The following SNX24 variants were observed in gnomAD, a reference collection of about 807,000 sequenced individuals.
SNX24 encodes sorting nexin-24.
Under a neutral mutation model 28.7 loss-of-function variants are expected in SNX24, and 22 were observed. The observed-to-expected ratio is 0.77, with a 90% CI of 0.55 to 1.10. SNX24 has a LOEUF of 1.10. SNX24 is among the 50% of genes least tolerant of loss of function. SNX24 has a pLI of 0.00. For missense variants in SNX24, 221 were observed against 201.1 expected (o/e 1.10, Z -0.60); for synonymous variants, 69 against 71.5 (o/e 0.96, Z 0.18).
At chr5:122,965,631 C>T in intron 3 of SNX24, 2 of 286,558 alleles carry the variant, frequency 7.0e-6, no homozygotes, top group South Asian at 6.7e-5. Context: ...GGGGATGGCT[C>T]ACATTTCTCA....
chr5:122,872,531 CTG>C (rs1164998512), intron 1 of SNX24, among the ~76,000 whole-genome samples: 1 of 152,094 alleles, frequency 6.6e-6, no homozygotes, highest in African/African-American at 2.4e-5. Flanking sequence ...ATATGAAAAT[CTG>C]TGAATGCTCA....
At chr5:122,947,680 C>A (rs1759748550) in intron 3 of SNX24, among the ~76,000 whole-genome samples, 1 of 151,882 alleles carries the variant, frequency 6.6e-6, no homozygotes, top group South Asian at 2.1e-4. Context: ...CACTGCAGAG[C>A]AAAAAACAAA....
intron 3 of SNX24, among the ~76,000 whole-genome samples, chr5:122,987,017 C>T (rs1238160109): frequency 6.6e-6 from 1 of 151,994 alleles, no homozygotes; most frequent in Non-Finnish European, 1.5e-5. Context: ...GAAGGAGGGA[C>T]GTTTTCTCCG....
At chr5:123,012,391 A>T (rs543949605), downstream of SNX24, among the ~76,000 whole-genome samples, 9 of 152,238 alleles carry the variant, frequency 5.9e-5, no homozygotes, top group Non-Finnish European at 1.2e-4. Flanking sequence ...ACATTCAGAG[A>T]CATAAGCCAG....
At chr5:122,880,225 A>C (rs556103325) in intron 1 of SNX24, among the ~76,000 whole-genome samples, 52 of 152,372 alleles carry the variant, frequency 3.4e-4, no homozygotes, top group African/African-American at 1.2e-3. Context: ...TAAATGGAAT[A>C]GCCAAATTGA....
At chr5:122,956,352 G>GGA (rs1554075842) in intron 3 of SNX24, among the ~76,000 whole-genome samples, 55 of 143,676 alleles carry the variant, frequency 3.8e-4, no homozygotes, top group African/African-American at 1.2e-3. Flanking sequence ...AAACACTTGG[G>GGA]AAAAAAAAAA....
chr5:122,946,915 C>T (rs1406340852), intron 3 of SNX24, among the ~76,000 whole-genome samples: 2 of 152,154 alleles, frequency 1.3e-5, no homozygotes, highest in African/African-American at 4.8e-5. Context: ...TGAGGTCAGC[C>T]AGTACCATTC....
chr5:123,013,163 T>A (rs1354745978), downstream of SNX24, among the ~76,000 whole-genome samples: 1 of 152,202 alleles, frequency 6.6e-6, no homozygotes, highest in Non-Finnish European at 1.5e-5. Context: ...TATACATAAT[T>A]GGGAAGTTGT....
chr5:122,944,216 ACTT>A (rs1345335337), intron 2 of SNX24, among the ~76,000 whole-genome samples: 1 of 152,090 alleles, frequency 6.6e-6, no homozygotes. Context: ...TGACTTTCAC[ACTT>A]CTGGTGACAA....
intron 1 of SNX24, among the ~76,000 whole-genome samples, chr5:122,935,569 A>T (rs1759145339): frequency 6.6e-6 from 1 of 152,216 alleles, no homozygotes; most frequent in African/African-American, 2.4e-5. Context: ...TCAGTCATGC[A>T]GCAGAAGATT....
intron 5 of SNX24, among the ~76,000 whole-genome samples, chr5:123,019,455 C>G (rs1420759891): frequency 6.6e-6 from 1 of 152,100 alleles, no homozygotes; most frequent in Non-Finnish European, 1.5e-5. Flanking sequence ...CTCAAAACGG[C>G]TAAACTAAGA....
intron 5 of SNX24, among the ~76,000 whole-genome samples, chr5:123,028,178 C>T (rs1298607072): frequency 6.6e-6 from 1 of 152,248 alleles, no homozygotes; most frequent in Non-Finnish European, 1.5e-5. Flanking sequence ...AAGTAGAACT[C>T]ACTTTCTGTA....
At chr5:122,893,895 A>G (rs1461461737) in intron 1 of SNX24, among the ~76,000 whole-genome samples, 1 of 152,110 alleles carries the variant, frequency 6.6e-6, no homozygotes, top group Non-Finnish European at 1.5e-5. Context: ...AAATACAAAA[A>G]AGTTAGCTGG....
At chr5:123,002,084 T>C in intron 6 of SNX24, 80 bp downstream of exon 6, 1 of 1,086,072 alleles carries the variant, frequency 9.2e-7, no homozygotes, top group East Asian at 2.4e-5. Flanking sequence ...AATACAGGTC[T>C]AACAGAGTGA....
At chr5:122,936,162 G>T (rs1454127388) in intron 1 of SNX24, among the ~76,000 whole-genome samples, 1 of 152,158 alleles carries the variant, frequency 6.6e-6, no homozygotes, top group Non-Finnish European at 1.5e-5. Flanking sequence ...GCTGTCACTT[G>T]TATCATGCAG....
At position 122,999,957 on chromosome 5, in the gene SNX24, T is replaced by A. The variant is rs1456103952; in HGVS notation, c.295T>A (p.Phe99Ile). ...AGAACTTCCCAAACTGTTTCTTGAT[T>A]TCCTAAATGTGCGACACTTGCCCTC... ...NEELPKLFLD[F>I]LNVRHLPSLP... Residue 99 changes from phenylalanine to isoleucine, a missense_variant, in exon 4 of 7, where the codon TTC becomes ATC. Transcript: ENST00000261369. 1 of 1,613,734 alleles carries A rather than the reference T, an allele frequency of 6.2e-7. No individual in the cohort carries two copies.
At chr5:122,956,361 A>AATAT (rs1305495948) in intron 3 of SNX24, among the ~76,000 whole-genome samples, 1 of 89,832 alleles carries the variant, frequency 1.1e-5, no homozygotes, top group Non-Finnish European at 2.2e-5. Context: ...GGAAAAAAAA[A>AATAT]ATATATACAC....
chr5:122,970,320 C>A (rs1760904586), intron 3 of SNX24, among the ~76,000 whole-genome samples: 2 of 151,724 alleles, frequency 1.3e-5, no homozygotes, highest in African/African-American at 4.8e-5. Flanking sequence ...TTTTTAAAGT[C>A]CTTTCCCGTT....
intron 1 of SNX24, among the ~76,000 whole-genome samples, chr5:122,903,873 ATACTC>A (rs1757539823): frequency 6.6e-6 from 1 of 152,206 alleles, no homozygotes; most frequent in Non-Finnish European, 1.5e-5. Context: ...TCTAATTAAA[ATACTC>A]TATTTACAGA....
Sources: allele counts gnomAD v4.1 joint callset (sites outside exome capture counted in the v4.1 genomes callset), GRCh38; gene constraint gnomAD v4.1.1; transcripts MANE v1.5; gene names NCBI Gene and HGNC (gene_info 2026-07-23, HGNC 2026-07-21).